The following DNAJB4 variants were observed in gnomAD, a reference collection of about 807,000 sequenced individuals.
DNAJB4 encodes the protein dnaJ homolog subfamily B member 4.
Under a neutral mutation model 26.6 loss-of-function variants are expected in DNAJB4, and 10 were observed. The observed-to-expected ratio is 0.38, with a 90% CI of 0.23 to 0.64. The LOEUF (loss-of-function observed/expected upper bound fraction) is 0.64. Ranked by LOEUF, DNAJB4 falls within the 30% of genes least tolerant of loss-of-function variation. DNAJB4 has a pLI of 0.58. For missense variants in DNAJB4, 328 were observed against 408.2 expected (o/e 0.80, Z 1.69); for synonymous variants, 136 against 134.8 (o/e 1.01, Z -0.06).
intron 1 of DNAJB4, among the ~76,000 whole-genome samples, chr1:77,994,063 C>T (rs188952325): frequency 6.6e-5 from 10 of 152,158 alleles, no homozygotes; most frequent in Admixed American, 1.3e-4. Flanking sequence ...ATGCAGTATA[C>T]GATAAAGTTA....
intron 1 of DNAJB4, among the ~76,000 whole-genome samples, chr1:78,010,335 G>T (rs1172638422): frequency 1.3e-5 from 2 of 151,770 alleles, no homozygotes; most frequent in African/African-American, 4.8e-5. Flanking sequence ...TTTAAGCATT[G>T]GTTGAGTCAC....
chr1:78,016,294 A>G lies in DNAJB4; in HGVS notation c.*47A>G, dbSNP rs771143574. 1.3e-6 allele frequency: 2 copies of G among 1,483,868 alleles called. No individual in the cohort carries two copies. Among genetic ancestry groups the G allele is most frequent in the Non-Finnish European group, 1.9e-6 (2 of 1,071,232 alleles). 91.9% of individuals were successfully genotyped at this position (1,483,868 alleles called of 1,614,324 possible). On this transcript the variant is annotated 3_prime_UTR_variant, in exon 3 of 3. Transcript: ENST00000370763. ...TATTTTGATAAGGCACTGAAAATAT[A>G]AAAGGACTGGTAGTTTACTGATGTA...
At chr1:77,985,301 A>T (rs1659765659) in intron 1 of DNAJB4, among the ~76,000 whole-genome samples, 1 of 152,070 alleles carries the variant, frequency 6.6e-6, no homozygotes, top group Non-Finnish European at 1.5e-5. Flanking sequence ...TGACATTTCC[A>T]TGTCTCTATT....
intron 1 of DNAJB4, among the ~76,000 whole-genome samples, chr1:77,988,426 C>T (rs1316325826): frequency 4.6e-5 from 7 of 152,158 alleles, no homozygotes; most frequent in African/African-American, 1.7e-4. Flanking sequence ...TGTATCTTCC[C>T]TCAGAATGTA....
In DNAJB4 at chr1:77,983,669, T is replaced by C. The variant is rs191036326; in HGVS notation, c.-32+3347T>C. 3.9e-5 allele frequency among the ~76,000 whole-genome samples: 6 copies of C among 152,294 alleles called. No individual in the cohort carries two copies. In the East Asian group the frequency reaches 1.2e-3, roughly 29 times the overall value. ...CGCCCTTAATCCATTTAACTCTGAGTTGACACAGCACATGTTTCAGAGAGC... is the reference window on the plus strand; with the variant it reads ...CGCCCTTAATCCATTTAACTCTGAGCTGACACAGCACATGTTTCAGAGAGC... On this transcript the variant is annotated intron_variant, in intron 1 of 2. Coordinates refer to the DNAJB4 transcript ENST00000426517.
chr1:77,987,739 T>G (rs1213720252), intron 1 of DNAJB4, among the ~76,000 whole-genome samples: 1 of 152,036 alleles, frequency 6.6e-6, no homozygotes. Context: ...ACTCTACCTT[T>G]AAGATATATC....
chr1:77,980,171 C>T (rs1435445075), upstream of DNAJB4: 1 of 152,252 alleles, frequency 6.6e-6, no homozygotes, highest in East Asian at 1.9e-4. Flanking sequence ...GCGCGAGGCA[C>T]TGCGCCCGGC....
intron 1 of DNAJB4, among the ~76,000 whole-genome samples, chr1:77,997,676 C>T (rs901821407): frequency 2.6e-5 from 4 of 152,094 alleles, no homozygotes; most frequent in African/African-American, 7.2e-5. Flanking sequence ...GCAAATTCTC[C>T]CTTTCTCTGT....
intron 1 of DNAJB4, among the ~76,000 whole-genome samples, chr1:77,980,757 T>C (rs558640913): frequency 2.7e-4 from 41 of 152,198 alleles, no homozygotes; most frequent in Non-Finnish European, 5.3e-4. Flanking sequence ...AAATAGCAGT[T>C]AATATGAATG....
In DNAJB4 at chr1:78,005,341, CTTT is replaced by C; in HGVS notation, c.211+21_211+23del. On this transcript the variant is annotated intron_variant, in intron 1 of 2. Coordinates refer to ENST00000370763, the MANE Select transcript of DNAJB4 (RefSeq NM_007034.5). ...AGGAAGGTAAGTATTCTCTGTATAT[CTTT>C]CTGTCTCTTCAGCTCTGTCTCTTTT... 1 of 1,569,568 alleles carries C rather than the reference CTTT, an allele frequency of 6.4e-7. No homozygotes were observed. The highest frequency in any genetic ancestry group is 2.3e-5 in the East Asian group (1 of 43,506).
chr1:77,982,560 T>TGCCTGTAATCCTAGCACTCTGGGAG (rs146270364), intron 1 of DNAJB4, among the ~76,000 whole-genome samples: 1 of 151,716 alleles, frequency 6.6e-6, no homozygotes, highest in South Asian at 2.1e-4. Flanking sequence ...AGGTGCCTCA[T>TGCCTGTAATCCTAGCACTCTGGGAG]GCCGAGGCGG....
At chr1:77,982,751 T>TC (rs1413813947) in intron 1 of DNAJB4, among the ~76,000 whole-genome samples, 1 of 152,198 alleles carries the variant, frequency 6.6e-6, no homozygotes, top group Non-Finnish European at 1.5e-5. Context: ...TGAGCTGAGA[T>TC]CGCACCACTG....
upstream of DNAJB4, among the ~76,000 whole-genome samples, chr1:78,000,635 T>C (rs1660168606): frequency 6.6e-6 from 1 of 152,178 alleles, no homozygotes; most frequent in South Asian, 2.1e-4. Context: ...TATTTGCTTA[T>C]TCTTGGACAG....
chr1:77,998,070 G>A (rs934733646), intron 1 of DNAJB4, among the ~76,000 whole-genome samples: 9 of 152,040 alleles, frequency 5.9e-5, no homozygotes, highest in African/African-American at 1.9e-4. Flanking sequence ...CCACCGCACC[G>A]GCCTCTGTTT....
Position 78,004,957 on chromosome 1 carries a change from GCTGT to G in DNAJB4, c.-150_-147del, listed in dbSNP as rs756793714. The stretch of plus-strand genomic sequence containing the variant: ...TTGGGGAAGGATTGAATACAGAGAC[GCTGT>G]CTGCTTGCTGCCTTAAGACAGCTAG... On this transcript the variant is annotated 5_prime_UTR_variant, in exon 1 of 3. Coordinates refer to ENST00000370763, the MANE Select transcript of DNAJB4 (RefSeq NM_007034.5). 1 of 723,898 alleles carries G rather than the reference GCTGT, an allele frequency of 1.4e-6. No individual in the cohort carries two copies. Among genetic ancestry groups the G allele is most frequent in the East Asian group, 2.5e-5 (1 of 39,816 alleles). The allele number at this position is 723,898 out of a possible 1,614,324, so 44.8% of individuals were successfully genotyped here. A position where few individuals can be genotyped will look rare whatever the true frequency, so the allele number is the denominator to read the frequency against.
At chr1:78,015,886 A>G in intron 2 of DNAJB4, 128 bp from the exon 3 acceptor site, 1 of 838,460 alleles carries the variant, frequency 1.2e-6, no homozygotes, top group Non-Finnish European at 1.8e-6. Flanking sequence ...AAAATTTATA[A>G]CTATTGTTAT....
upstream of DNAJB4, among the ~76,000 whole-genome samples, chr1:78,000,543 A>G (rs1209727301): frequency 1.3e-5 from 2 of 152,188 alleles, no homozygotes; most frequent in East Asian, 3.8e-4. Flanking sequence ...CACCTCGGCA[A>G]ATATAATCAC....
At chr1:78,009,640 T>C (rs1365321840) in intron 1 of DNAJB4, among the ~76,000 whole-genome samples, 1 of 152,254 alleles carries the variant, frequency 6.6e-6, no homozygotes, top group Non-Finnish European at 1.5e-5. Context: ...TATAATTTTA[T>C]GTGCTAGACA....
rs1660642618 is a variant in DNAJB4 at position 78,016,334 on chromosome 1, A to G, written c.*87A>G. The stretch of plus-strand genomic sequence containing the variant: ...TTACTGATGTAGATGTGAATTCTGT[A>G]TAAAGATGTGTAAATTCTTTTGAGG... On this transcript the variant is annotated 3_prime_UTR_variant, in exon 3 of 3. Transcript: ENST00000370763. 5 of 1,145,544 alleles carry G rather than the reference A, an allele frequency of 4.4e-6. No individual in the cohort carries two copies. The Admixed American group carries it at 1.2e-4, about 28-fold the overall frequency. The allele number at this position is 1,145,544 out of a possible 1,614,324, so 71.0% of individuals were successfully genotyped here. A position where few individuals can be genotyped will look rare whatever the true frequency, so the allele number is the denominator to read the frequency against.
Sources: gnomAD v4.1 joint callset for allele counts (sites outside exome capture counted in the v4.1 genomes callset) on GRCh38, gnomAD v4.1.1 for gene constraint, MANE v1.5 for transcripts, NCBI Gene and HGNC (gene_info 2026-07-23, HGNC 2026-07-21) for gene names.